Variants in TRIM29 observed in about 807,000 individuals in gnomAD.
The protein encoded by TRIM29 is tripartite motif containing 29, also known as tripartite motif-containing protein 29.
In TRIM29, 52 loss-of-function variants were observed where a neutral mutation model predicts 57.3. The observed-to-expected ratio is 0.91, with a 90% CI of 0.73 to 1.14. The LOEUF is 1.14. Among genes scored for constraint, TRIM29 ranks in the 50% most tolerant of loss-of-function variants. TRIM29 has a pLI of 0.00. For missense variants in TRIM29, 753 were observed against 774.6 expected, an observed-to-expected ratio of 0.97 and a Z score of 0.33; for synonymous variants, 319 against 316.9, an observed-to-expected ratio of 1.01 and a Z score of -0.07.
rs773903788 is a variant in TRIM29, at chr11:120,127,427, T to A, written c.1043A>T (p.Asp348Val). ...CACCTTGGCTCTCTCATCCAGAGCATCCATGATCACCTTCACTTGGTCCAC... is the reference window on the plus strand; with the variant it reads ...CACCTTGGCTCTCTCATCCAGAGCAACCATGATCACCTTCACTTGGTCCAC... ...DAVDQVKVIM[D>V]ALDERAKVLH... Residue 348 changes from aspartate (D) to valine (V), a missense_variant, in exon 3 of 9, where the codon GAT (aspartate) becomes GTT (valine). Physicochemically the swap from Asp to Val is radical, Grantham distance 152. Coordinates refer to ENST00000341846, the MANE Select transcript of TRIM29 (RefSeq NM_012101.4). 6.2e-7 allele frequency: 1 copy of A among 1,614,018 alleles called. No homozygotes were observed. Among genetic ancestry groups the A allele is most frequent in the Non-Finnish European group, 8.5e-7 (1 of 1,179,982 alleles).
chr11:120,115,320 C>T lies in TRIM29; in HGVS notation c.1704+18G>A, dbSNP rs369591196. On this transcript the variant is annotated intron_variant, in intron 8 of 8. Transcript: ENST00000341846. ...GTCTCTGGATGTGCCCAGGCCCTCC[C>T]GGCAGCACTTCCCTTACCAGCATAG... is the stretch of plus-strand genomic sequence containing the variant. The T allele has an allele frequency of 1.9e-4, 306 of 1,610,952 alleles. No homozygotes were observed. The highest frequency in any genetic ancestry group is 1.5e-3 in the African/African-American group (111 of 74,894).
chr11:120,114,466 C>A (rs11217697), intron 8 of TRIM29, among the ~76,000 whole-genome samples: 2,077 of 152,306 alleles, frequency 0.014, 82 homozygotes, highest in East Asian at 0.12. Flanking sequence ...CCTGCTCTGA[C>A]CTCCAATTGC....
chr11:120,133,281 CA>C (rs1328470060), intron 1 of TRIM29, among the ~76,000 whole-genome samples: 2 of 152,232 alleles, frequency 1.3e-5, no homozygotes, highest in Non-Finnish European at 2.9e-5. Flanking sequence ...CCTACAGGAA[CA>C]AAAAGGCTTA....
At chr11:120,128,285 A>C (rs1226127420) in intron 2 of TRIM29, 115 bp downstream of exon 2, 1 of 814,778 alleles carries the variant, frequency 1.2e-6, no homozygotes, top group Non-Finnish European at 2.0e-6. Flanking sequence ...AGCCAGAAGA[A>C]ACATATTGGG....
intron 1 of TRIM29, among the ~76,000 whole-genome samples, chr11:120,134,139 C>A (rs1468371834): frequency 1.3e-5 from 2 of 152,262 alleles, no homozygotes; most frequent in African/African-American, 4.8e-5. Context: ...ATGTATGAGG[C>A]CTATTGTGAC....
At chr11:120,123,856 T>G (rs574751185) in intron 4 of TRIM29, 10 of 264,360 alleles carry the variant, frequency 3.8e-5, no homozygotes, top group Non-Finnish European at 7.4e-5. Context: ...ACAAATGCCC[T>G]CCTAGGTGTT....
chr11:120,122,414 C>T (rs929304075), intron 5 of TRIM29, among the ~76,000 whole-genome samples: 1 of 152,156 alleles, frequency 6.6e-6, no homozygotes, highest in Non-Finnish European at 1.5e-5. Context: ...TAGGCCGGCA[C>T]CTTGCAGGCT....
In TRIM29 at chr11:120,137,903, G is replaced by A. The variant is rs1329374447; in HGVS notation, c.129C>T (p.Thr43=). 3 of 1,610,698 alleles carry A rather than the reference G, an allele frequency of 1.9e-6. No individual in the cohort carries two copies. Among genetic ancestry groups the A allele is most frequent in the Non-Finnish European group, 2.5e-6 (3 of 1,180,020 alleles). ...CAGCTGCCTCCCCGCCGTGCCCGTT[G>A]GTGGTCTTGGCATCCTTGCCGTCAG... The part of the protein sequence containing the change: ...TKADGKDAKT[T]NGHGGEAAEG... Residue 43 remains threonine, a synonymous_variant, in exon 1 of 9, where the codon ACC becomes ACT. Coordinates refer to ENST00000341846, the MANE Select transcript of TRIM29 (RefSeq NM_012101.4). This position sits in a 1 kb window ranked among gnomAD's most constrained non-coding sequence, Gnocchi z 6.2.
intron 5 of TRIM29, among the ~76,000 whole-genome samples, 166 bp downstream of exon 5, chr11:120,122,788 C>A (rs1021882944): frequency 1.3e-5 from 2 of 152,170 alleles, no homozygotes; most frequent in Non-Finnish European, 2.9e-5. Context: ...CAGACCTGTT[C>A]ATCATCACAT....
chr11:120,129,727 T>C (rs1863680047), intron 1 of TRIM29, among the ~76,000 whole-genome samples: 1 of 151,814 alleles, frequency 6.6e-6, no homozygotes, highest in South Asian at 2.1e-4. Flanking sequence ...AGAGCTTCCC[T>C]GGCTTTCCTG....
intron 1 of TRIM29, among the ~76,000 whole-genome samples, chr11:120,130,770 C>T (rs567728582): frequency 6.6e-6 from 1 of 152,194 alleles, no homozygotes; most frequent in African/African-American, 2.4e-5. Flanking sequence ...GGTGCTTTCA[C>T]TCACACCATG....
rs900124129 is a variant in TRIM29 at position 120,125,403 on chromosome 11, T to C, written c.1333+288A>G. ...TGTAGATCTGAACGAAACCAGTCTC[T>C]GAGTTTGATGGACAACCCACAGAGA... is the stretch of plus-strand genomic sequence containing the variant. On this transcript the variant is annotated intron_variant, in intron 4 of 8. Transcript: ENST00000341846. 1.1e-4 allele frequency: 48 copies of C among 444,672 alleles called. No homozygotes were observed. The Admixed American group carries it at 1.6e-3, about 15-fold the overall frequency. The allele number at this position is 444,672 out of a possible 1,614,324, so 27.5% of individuals were successfully genotyped here.
chr11:120,137,132 C>T lies in TRIM29; in HGVS notation c.804+96G>A. On this transcript the variant is annotated intron_variant, in intron 1 of 8. Transcript: ENST00000341846. The surrounding 1 kb of genome is among the most constrained non-coding windows in gnomAD (Gnocchi z 6.2). ...GCCAAGGACAGTAGAAACTTAAGCC[C>T]CAAACCCGAGGAAGCCCGAGTGGAG... 7.1e-7 allele frequency: 1 copy of T among 1,404,982 alleles called. No homozygotes were observed. The allele number at this position is 1,404,982 out of a possible 1,614,324, so 87.0% of individuals were successfully genotyped here.
At chr11:120,120,746 C>T (rs1368570052) in intron 5 of TRIM29, 81 bp from the exon 6 acceptor site, 3 of 1,222,358 alleles carry the variant, frequency 2.5e-6, no homozygotes, top group Non-Finnish European at 3.6e-6. Context: ...TGCCCAAGTG[C>T]CCATCACAGG....
chr11:120,130,092 C>CA (rs1340423069), intron 1 of TRIM29, among the ~76,000 whole-genome samples: 4 of 152,116 alleles, frequency 2.6e-5, no homozygotes, highest in African/African-American at 9.7e-5. Flanking sequence ...TCGACCCTCA[C>CA]ACTCTCTGAC....
At position 120,112,479 on chromosome 11, in the gene TRIM29, G is replaced by C; in HGVS notation, c.1705-3C>G. ...ACGTAGAATGGCCGGTAGTGAGACT[G>C]TGGGGGAAACAAGAGTGGTCAGCGA... On this transcript the variant is annotated splice_region_variant and splice_polypyrimidine_tract_variant and intron_variant, in intron 8 of 8. Coordinates refer to ENST00000341846, the MANE Select transcript of TRIM29 (RefSeq NM_012101.4). 1 of 1,613,764 alleles carries C rather than the reference G, an allele frequency of 6.2e-7. No homozygotes were observed. The highest frequency in any genetic ancestry group is 8.5e-7 in the Non-Finnish European group (1 of 1,179,802).
chr11:120,115,025 C>A (rs1185716623), intron 8 of TRIM29, among the ~76,000 whole-genome samples: 3 of 152,146 alleles, frequency 2.0e-5, no homozygotes, highest in Admixed American at 2.0e-4. Flanking sequence ...CTGGCAGAAC[C>A]CAAGCTGCCA....
intron 8 of TRIM29, among the ~76,000 whole-genome samples, chr11:120,114,605 C>T (rs1021234136): frequency 2.0e-5 from 3 of 152,226 alleles, no homozygotes; most frequent in Non-Finnish European, 4.4e-5. Flanking sequence ...GGCATTCAGG[C>T]ACATGGGGGC....
At chr11:120,129,203 A>G (rs1427996853) in intron 1 of TRIM29, among the ~76,000 whole-genome samples, 1 of 152,114 alleles carries the variant, frequency 6.6e-6, no homozygotes, top group African/African-American at 2.4e-5. Flanking sequence ...GTTTAGGAAG[A>G]GGTTGTATCA....
Sources: gnomAD v4.1 joint callset for allele counts (sites outside exome capture counted in the v4.1 genomes callset) on GRCh38, gnomAD v4.1.1 for gene constraint, Gnocchi (gnomAD v3.1) non-coding constraint, MANE v1.5 for transcripts, NCBI Gene and HGNC (gene_info 2026-07-23, HGNC 2026-07-21) for gene names.